The following ANO5 variants were observed in gnomAD, a reference collection of about 807,000 sequenced individuals.
ANO5 encodes anoctamin-5.
In ANO5, 109 loss-of-function variants were observed where a neutral mutation model predicts 121.0. The ratio of observed to expected loss-of-function variants is 0.90; its 90% confidence interval spans 0.77 to 1.06. The LOEUF is 1.06. Among genes scored for constraint, ANO5 ranks in the 50% least tolerant of loss-of-function variants. The pLI is 0.00. For synonymous variants in ANO5, 406 were observed against 359.9 expected (o/e 1.13, Z -1.45); for missense variants, 1,064 against 1,078.5 (o/e 0.99, Z 0.19).
At chr11:22,219,091 T>C (rs980313683) in intron 4 of ANO5, among the ~76,000 whole-genome samples, 9 of 152,100 alleles carry the variant, frequency 5.9e-5, no homozygotes, top group African/African-American at 1.9e-4. Context: ...TTTTTCTGCC[T>C]CAACCTTAAC....
intron 3 of ANO5, among the ~76,000 whole-genome samples, chr11:22,213,196 A>C (rs1038309551): frequency 6.6e-6 from 1 of 151,852 alleles, no homozygotes; most frequent in Non-Finnish European, 1.5e-5. Flanking sequence ...TAATGAACCT[A>C]TATTGGTGCA....
At chr11:22,218,344 T>G (rs1852533287) in intron 4 of ANO5, 57 bp downstream of exon 4, 2 of 1,596,932 alleles carry the variant, frequency 1.3e-6, no homozygotes. Flanking sequence ...GTGGTAGCCT[T>G]AGTTATTTTT....
intron 4 of ANO5, among the ~76,000 whole-genome samples, chr11:22,219,295 C>A (rs936845530): frequency 6.6e-6 from 1 of 151,964 alleles, no homozygotes; most frequent in Non-Finnish European, 1.5e-5. Flanking sequence ...CTGAGCACTC[C>A]GGAAAATCAC....
intron 1 of ANO5, among the ~76,000 whole-genome samples, chr11:22,196,653 T>A (rs920182056): frequency 1.3e-5 from 2 of 152,042 alleles, no homozygotes; most frequent in African/African-American, 4.8e-5. Context: ...GGTGGATCAT[T>A]AGGTCAAGAG....
rs891715539 is a variant in ANO5, at chr11:22,225,122, A to G, written c.295-862A>G. Among the ~76,000 whole-genome samples, 10 of 152,226 alleles carry G rather than the reference A, an allele frequency of 6.6e-5. No individual in the cohort carries two copies. In the East Asian group the frequency reaches 1.9e-3, roughly 30 times the overall value. On this transcript the variant is annotated intron_variant, in intron 5 of 21. Transcript: ENST00000324559. ...ATATGTATATTTTAACTCAATAAAA[A>G]TGTTTTAAAAAGAAAAAATGCTTTT...
At chr11:22,204,247 G>A (rs895334269) in intron 2 of ANO5, among the ~76,000 whole-genome samples, 2 of 151,966 alleles carry the variant, frequency 1.3e-5, no homozygotes, top group Non-Finnish European at 2.9e-5. Flanking sequence ...AACCTGAATT[G>A]CATAAACACA....
chr11:22,270,625 A>C (rs1338065414), intron 18 of ANO5, among the ~76,000 whole-genome samples, 183 bp downstream of exon 18: 1 of 152,212 alleles, frequency 6.6e-6, no homozygotes, highest in African/African-American at 2.4e-5. Flanking sequence ...CATCAAATAG[A>C]CTGCAGAATA....
chr11:22,255,407 C>G lies in ANO5; in HGVS notation c.1217C>G (p.Ala406Gly). The change falls in exon 13 of 22, where the codon GCC (alanine) becomes GGC (glycine). Residue 406 changes from alanine to glycine, a missense_variant. Physicochemically the swap from Ala to Gly is moderately conservative, Grantham distance 60. Coordinates refer to ENST00000324559, the MANE Select transcript of ANO5 (RefSeq NM_213599.3). ...TTGGAGTTTTGGAAACAACGACAAG[C>G]CAGACTGGAATATGAATGGGACCTG... ...LFLEFWKQRQ[A>G]RLEYEWDLVD... 6.2e-7 allele frequency: 1 copy of G among 1,611,700 alleles called. No homozygotes were observed. The highest frequency in any genetic ancestry group is 8.5e-7 in the Non-Finnish European group (1 of 1,178,438).
chr11:22,223,826 G>T (rs1292883331), intron 5 of ANO5, among the ~76,000 whole-genome samples: 2 of 151,750 alleles, frequency 1.3e-5, no homozygotes, highest in Non-Finnish European at 2.9e-5. Flanking sequence ...TATTAAAAAG[G>T]TATGAATAAA....
intron 12 of ANO5, among the ~76,000 whole-genome samples, chr11:22,254,795 G>T (rs1056178050): frequency 6.6e-6 from 1 of 151,784 alleles, no homozygotes; most frequent in East Asian, 1.9e-4. Flanking sequence ...GCACTTTGGG[G>T]GGCTGAGGTG....
intron 2 of ANO5, among the ~76,000 whole-genome samples, chr11:22,207,364 A>G (rs189887994): frequency 1.3e-5 from 2 of 152,290 alleles, no homozygotes; most frequent in Non-Finnish European, 2.9e-5. Context: ...TTAATGAAAC[A>G]GAATAGAGAT....
At chr11:22,238,283 T>G (rs1437311540) in intron 8 of ANO5, among the ~76,000 whole-genome samples, 3 of 151,088 alleles carry the variant, frequency 2.0e-5, no homozygotes, top group South Asian at 2.1e-4. Flanking sequence ...TCATAGTTTT[T>G]TTTTTTTTTT....
intron 17 of ANO5, among the ~76,000 whole-genome samples, chr11:22,269,810 C>CT (rs1460673845): frequency 2.0e-5 from 3 of 151,942 alleles, no homozygotes; most frequent in Non-Finnish European, 4.4e-5. Context: ...TAAAAAGCCT[C>CT]TTTTTAAAAA....
chr11:22,232,901 C>T (rs1469933273), intron 7 of ANO5, among the ~76,000 whole-genome samples: 2 of 151,906 alleles, frequency 1.3e-5, no homozygotes, highest in Admixed American at 1.3e-4. Context: ...TCTGTAGTCC[C>T]TTAAAACAGG....
Position 22,259,595 on chromosome 11 carries a change from T to C in ANO5, c.1484T>C (p.Met495Thr), listed in dbSNP as rs771881830. 1 of 1,614,022 alleles carries C rather than the reference T, an allele frequency of 6.2e-7. No homozygotes were observed. Among genetic ancestry groups the C allele is most frequent in the African/African-American group, 1.3e-5 (1 of 74,930 alleles). ...GTCTTTGCTACATTTGCTAGTTTCA[T>C]GGAAAGTGATGCATCCTTAAAGCAG... ...LSVFATFASF[M>T]ESDASLKQVK... Residue 495 changes from methionine to threonine, a missense_variant, in exon 15 of 22, where the codon ATG (methionine) becomes ACG (threonine). Met to Thr is a moderately conservative substitution (Grantham distance 81, BLOSUM62 -1). Transcript: ENST00000324559.
At chr11:22,199,020 T>C (rs753535098) in intron 1 of ANO5, among the ~76,000 whole-genome samples, 3 of 152,182 alleles carry the variant, frequency 2.0e-5, no homozygotes, top group African/African-American at 7.2e-5. Flanking sequence ...CCTTTAGATT[T>C]GTATCTTTTA....
intron 19 of ANO5, 65 bp from the exon 20 acceptor site, chr11:22,274,504 A>G: frequency 7.1e-7 from 1 of 1,417,390 alleles, no homozygotes; most frequent in Non-Finnish European, 9.5e-7. Flanking sequence ...GAGATGTACA[A>G]ATCAGACATT....
chr11:22,273,676 A>G (rs563556158), intron 19 of ANO5, among the ~76,000 whole-genome samples: 10 of 152,164 alleles, frequency 6.6e-5, no homozygotes, highest in Non-Finnish European at 1.5e-4. Flanking sequence ...GTAAAAAAGA[A>G]TAAAGATGTA....
chr11:22,195,741 C>T (rs899472302), intron 1 of ANO5, among the ~76,000 whole-genome samples: 1 of 152,090 alleles, frequency 6.6e-6, no homozygotes, highest in Non-Finnish European at 1.5e-5. Context: ...CACACTCCCC[C>T]ATTTTAAAAA....
Sources: allele counts gnomAD v4.1 joint callset (sites outside exome capture counted in the v4.1 genomes callset), GRCh38; gene constraint gnomAD v4.1.1; transcripts MANE v1.5; gene names NCBI Gene and HGNC (gene_info 2026-07-23, HGNC 2026-07-21).